Variants in CACNB4 observed in about 807,000 individuals in gnomAD.
CACNB4 encodes calcium voltage-gated channel auxiliary subunit beta 4, also known as voltage-dependent L-type calcium channel subunit beta-4.
CACNB4 carries 32 observed loss-of-function variants against 71.2 expected under a neutral mutation model. That is an observed-to-expected ratio of 0.45 (90% CI 0.34 to 0.60). The LOEUF is 0.60. CACNB4 is among the 20% of genes least tolerant of loss of function. CACNB4 has a pLI of 0.01. For synonymous variants in CACNB4, 231 were observed against 236.9 expected (o/e 0.97, Z 0.23); for missense variants, 464 against 647.9 (o/e 0.72, Z 3.08).
chr2:151,895,079 C>T (rs919798798), intron 2 of CACNB4, among the ~76,000 whole-genome samples: 1 of 140,684 alleles, frequency 7.1e-6, no homozygotes, highest in Admixed American at 7.3e-5. Flanking sequence ...TCATATGGAA[C>T]CAGAACTCAA....
At chr2:152,015,559 A>G (rs1683297005) in intron 2 of CACNB4, among the ~76,000 whole-genome samples, 1 of 152,222 alleles carries the variant, frequency 6.6e-6, no homozygotes, top group South Asian at 2.1e-4. Context: ...CAATGGATTC[A>G]GGCAAGACAT....
At chr2:152,062,052 T>TAA (rs1208854520) in intron 2 of CACNB4, among the ~76,000 whole-genome samples, 2 of 149,930 alleles carry the variant, frequency 1.3e-5, no homozygotes, top group Admixed American at 6.7e-5. Flanking sequence ...ATAATAATGA[T>TAA]TAGGAATGCT....
chr2:151,943,521 G>GA (rs200693865), intron 2 of CACNB4, among the ~76,000 whole-genome samples: 2,867 of 147,626 alleles, frequency 0.019, 46 homozygotes, highest in South Asian at 0.037. Context: ...ATTTCTGGAA[G>GA]AAAAAAAAAA....
At chr2:152,082,097 C>T (rs763295560) in intron 2 of CACNB4, among the ~76,000 whole-genome samples, 1 of 152,212 alleles carries the variant, frequency 6.6e-6, no homozygotes, top group Non-Finnish European at 1.5e-5. Flanking sequence ...CAGACTTCCT[C>T]TTAATAACTT....
At chr2:152,010,201 G>A (rs1682977426) in intron 2 of CACNB4, among the ~76,000 whole-genome samples, 1 of 152,200 alleles carries the variant, frequency 6.6e-6, no homozygotes, top group Non-Finnish European at 1.5e-5. Context: ...ATATCAAAAT[G>A]TAGATGTTAG....
At chr2:151,984,964 A>C (rs1321471345) in intron 2 of CACNB4, among the ~76,000 whole-genome samples, 1 of 152,060 alleles carries the variant, frequency 6.6e-6, no homozygotes, top group Non-Finnish European at 1.5e-5. Flanking sequence ...TTTTCCTCAA[A>C]TCTCTTCCCT....
At chr2:152,077,343 A>T (rs1180455241) in intron 2 of CACNB4, among the ~76,000 whole-genome samples, 1 of 152,186 alleles carries the variant, frequency 6.6e-6, no homozygotes, top group East Asian at 1.9e-4. Flanking sequence ...TCATGAGGTC[A>T]AGAGTTCGAG....
At chr2:152,047,612 A>T (rs1685204110) in intron 2 of CACNB4, among the ~76,000 whole-genome samples, 1 of 152,182 alleles carries the variant, frequency 6.6e-6, no homozygotes, top group Admixed American at 6.6e-5. Flanking sequence ...CCTCAGTTGT[A>T]GCCAGGCACG....
chr2:151,964,069 G>GAAAAAAAAAA (rs397825547), intron 2 of CACNB4, among the ~76,000 whole-genome samples: 3 of 99,260 alleles, frequency 3.0e-5, no homozygotes, highest in African/African-American at 8.1e-5. Flanking sequence ...CTGTCTCACA[G>GAAAAAAAAAA]AAAAAAAAAA....
intron 12 of CACNB4, among the ~76,000 whole-genome samples, chr2:151,849,212 C>T (rs1021168002): frequency 1.3e-5 from 2 of 152,306 alleles, no homozygotes; most frequent in Admixed American, 1.3e-4. Context: ...GACATTCCCT[C>T]ATGGAGATGA....
At chr2:151,894,062 G>A (rs996650605) in intron 2 of CACNB4, among the ~76,000 whole-genome samples, 1 of 152,222 alleles carries the variant, frequency 6.6e-6, no homozygotes, top group African/African-American at 2.4e-5. Context: ...TAGGGAGGCT[G>A]AGGCAGGAGA....
chr2:151,870,940 A>G, intron 6 of CACNB4, 79 bp from the exon 7 acceptor site: 3 of 1,054,006 alleles, frequency 2.8e-6, no homozygotes, highest in Non-Finnish European at 4.2e-6. Context: ...AGATGGAAGA[A>G]TGTACCCATT....
intron 2 of CACNB4, among the ~76,000 whole-genome samples, chr2:151,897,178 G>C (rs935773730): frequency 1.3e-5 from 2 of 152,178 alleles, no homozygotes; most frequent in African/African-American, 4.8e-5. Flanking sequence ...GAGAAGTCAG[G>C]CCACATGCTC....
chr2:151,911,473 T>G (rs2099856144), intron 2 of CACNB4, among the ~76,000 whole-genome samples: 1 of 151,658 alleles, frequency 6.6e-6, no homozygotes, highest in South Asian at 2.1e-4. Flanking sequence ...TGAGATGTGT[T>G]CTATCAATGA....
chr2:151,912,130 G>A lies in CACNB4; in HGVS notation c.148-28760C>T, dbSNP rs527379601. ...TTTCAAAAAAACAGCTCCTGGATTC[G>A]GTGATTTTTTGGAGTGTTTTTGTGC... On this transcript the variant is annotated intron_variant, in intron 2 of 13. Coordinates refer to ENST00000539935, the MANE Select transcript of CACNB4 (RefSeq NM_000726.5). Among the ~76,000 whole-genome samples the A allele has an allele frequency of 9.9e-5, 15 of 151,910 alleles. No individual in the cohort carries two copies. In the South Asian group the frequency reaches 1.0e-3, roughly 11 times the overall value.
chr2:151,952,647 A>G (rs751198536), intron 2 of CACNB4, among the ~76,000 whole-genome samples: 1 of 152,220 alleles, frequency 6.6e-6, no homozygotes, highest in African/African-American at 2.4e-5. Flanking sequence ...AGAAGCAGCT[A>G]GTCCAGAACT....
chr2:151,850,533 T>G (rs1403370502), intron 12 of CACNB4: 3 of 152,306 alleles, frequency 2.0e-5, no homozygotes, highest in African/African-American at 7.2e-5. Context: ...GATCTTAAGC[T>G]GACTTTGGCC....
rs2151304696 is a variant in CACNB4 at position 151,834,420 on chromosome 2, G to C, written c.*4699C>G. The stretch of plus-strand genomic sequence containing the variant: ...TGGCAAGTAGAAGTTACAGCCCTTA[G>C]GATTATCTGATGAGATACTTTCTAG... On this transcript the variant is annotated 3_prime_UTR_variant, in exon 14 of 14. Transcript: ENST00000539935. The C allele has an allele frequency of 6.6e-6, 1 of 151,920 alleles. No individual in the cohort carries two copies. Among genetic ancestry groups the C allele is most frequent in the African/African-American group, 2.4e-5 (1 of 41,494 alleles). The allele number at this position is 151,920 out of a possible 1,614,324, so 9.4% of individuals were successfully genotyped here.
intron 2 of CACNB4, among the ~76,000 whole-genome samples, chr2:151,921,641 T>C (rs1430155006): frequency 2.0e-5 from 3 of 152,182 alleles, no homozygotes; most frequent in Non-Finnish European, 2.9e-5. Flanking sequence ...GGCCCCTTCC[T>C]CCATATTTGA....
Sources: gnomAD v4.1 joint callset for allele counts (sites outside exome capture counted in the v4.1 genomes callset) on GRCh38, gnomAD v4.1.1 for gene constraint, MANE v1.5 for transcripts, NCBI Gene and HGNC (gene_info 2026-07-23, HGNC 2026-07-21) for gene names.